Variants in ANK3 observed in about 807,000 individuals in gnomAD.
ANK3 encodes ankyrin-3.
In ANK3, 57 loss-of-function variants were observed where a neutral mutation model predicts 370.9. That is an observed-to-expected ratio of 0.15 (90% confidence interval 0.12 to 0.19). ANK3 has a LOEUF of 0.19. Ranked by LOEUF, ANK3 falls within the 10% of genes least tolerant of loss-of-function variation. The pLI is 1.00. For synonymous variants in ANK3, 1,929 were observed against 1,946.3 expected, an observed-to-expected ratio of 0.99 and a Z score of 0.23; for missense variants, 4,439 against 5,302.1, an observed-to-expected ratio of 0.84 and a Z score of 5.06.
At chr10:60,390,729 A>AAAACACACAC (rs1491146788), upstream of ANK3, among the ~76,000 whole-genome samples, 845 of 107,050 alleles carry the variant, frequency 7.9e-3, 7 homozygotes, top group African/African-American at 0.028. Flanking sequence ...TAAAAAAAAG[A>AAAACACACAC]ACACACACAC....
chr10:60,323,897 T>C lies in ANK3; in HGVS notation c.115-44258A>G, dbSNP rs184675320. Among the ~76,000 whole-genome samples the C allele has an allele frequency of 2.8e-4, 43 of 152,266 alleles. No homozygotes were observed. The East Asian group carries it at 7.5e-3, about 27-fold the overall frequency. On this transcript the variant is annotated intron_variant, in intron 1 of 43. Transcript: ENST00000280772. Reference sequence around the variant, plus strand: ...AGTCAGACCAGAGCTGAGAACTGATTGAAGCATTTTGTGGTAGAGAGGCCA... The same window carrying C: ...AGTCAGACCAGAGCTGAGAACTGATCGAAGCATTTTGTGGTAGAGAGGCCA...
At chr10:60,313,606 G>A (rs969798699) in intron 1 of ANK3, among the ~76,000 whole-genome samples, 1 of 152,058 alleles carries the variant, frequency 6.6e-6, no homozygotes, top group African/African-American at 2.4e-5. Context: ...GTCTTTTCCT[G>A]AACTTGGCTC....
At chr10:60,351,219 A>C (rs1353733354) in intron 1 of ANK3, among the ~76,000 whole-genome samples, 1 of 152,190 alleles carries the variant, frequency 6.6e-6, no homozygotes, top group Non-Finnish European at 1.5e-5. Context: ...ATAGGACCAC[A>C]AGCATTTAAA....
intron 23 of ANK3, among the ~76,000 whole-genome samples, chr10:60,141,679 C>A (rs1270123823): frequency 7.3e-6 from 1 of 136,140 alleles, no homozygotes; most frequent in African/African-American, 2.8e-5. Flanking sequence ...AGTAAGCAGT[C>A]TTTTATAAGA....
chr10:60,428,834 C>T (rs1301173688), intron 2 of ANK3, among the ~76,000 whole-genome samples: 1 of 152,130 alleles, frequency 6.6e-6, no homozygotes, highest in Non-Finnish European at 1.5e-5. Flanking sequence ...GAAATGCTGG[C>T]AGAAAGGTTT....
chr10:60,644,838 T>TAAAAAAAAAAAAAAAAAAAAAAAA lies in ANK3; in HGVS notation c.58-29615_58-29614insTTTTTTTTTTTTTTTTTTTTTTTT, dbSNP rs146950954. ...AACTATCCAAGGAAGTTAATTTAGT[T>TAAAAAAAAAAAAAAAAAAAAAAAA]AAAAGAAAAAAAAAGCTGAGATTCA... On this transcript the variant is annotated intron_variant, in intron 1 of 43. Coordinates refer to the ANK3 transcript ENST00000373827. Among the ~76,000 whole-genome samples, 2 of 108,314 alleles carry TAAAAAAAAAAAAAAAAAAAAAAAA rather than the reference T, an allele frequency of 1.8e-5. 1 individual carries two copies. Among genetic ancestry groups the TAAAAAAAAAAAAAAAAAAAAAAAA allele is most frequent in the Non-Finnish European group, 3.7e-5 (2 of 54,292 alleles). The allele number at this position is 108,314 out of a possible 152,430, so 71.1% of individuals were successfully genotyped here. A position where few individuals can be genotyped will look rare whatever the true frequency, so the allele number is the denominator to read the frequency against.
intron 1 of ANK3, among the ~76,000 whole-genome samples, chr10:60,680,079 G>A (rs2079174442): frequency 6.7e-6 from 1 of 149,256 alleles, no homozygotes; most frequent in African/African-American, 2.5e-5. Context: ...AGGCTTCAGT[G>A]AGCCTAGAGC....
chr10:60,411,687 G>T (rs10994331), intron 2 of ANK3, among the ~76,000 whole-genome samples: 54,781 of 151,950 alleles, frequency 0.36, 10,751 homozygotes, highest in Middle Eastern at 0.48. Flanking sequence ...GGACCAGACT[G>T]CCTGGATATG....
intron 1 of ANK3, among the ~76,000 whole-genome samples, chr10:60,698,500 C>T (rs1008221571): frequency 1.3e-5 from 2 of 149,932 alleles, no homozygotes; most frequent in East Asian, 3.9e-4. Context: ...TTGGAACCAA[C>T]CCAAATGTCC....
chr10:60,494,413 AC>A (rs1370845639), intron 2 of ANK3, among the ~76,000 whole-genome samples: 2 of 152,154 alleles, frequency 1.3e-5, no homozygotes, highest in African/African-American at 4.8e-5. Context: ...TTATATAAAA[AC>A]ATTATTTATG....
At chr10:60,300,381 T>C (rs758169005) in intron 1 of ANK3, 8 of 1,289,702 alleles carry the variant, frequency 6.2e-6, no homozygotes, top group Admixed American at 4.6e-5. Flanking sequence ...AGAAACCTGA[T>C]AACTCAATTA....
At chr10:60,604,683 A>C (rs894918243) in intron 2 of ANK3, among the ~76,000 whole-genome samples, 3 of 152,168 alleles carry the variant, frequency 2.0e-5, no homozygotes, top group Non-Finnish European at 2.9e-5. Flanking sequence ...AAAAAGGAAA[A>C]TAGAATAATG....
At chr10:60,599,227 A>C (rs1480022758) in intron 2 of ANK3, among the ~76,000 whole-genome samples, 1 of 152,142 alleles carries the variant, frequency 6.6e-6, no homozygotes, top group East Asian at 1.9e-4. Context: ...CACTGAGCCC[A>C]GCCTGTGTTT....
At chr10:60,202,963 A>C in intron 12 of ANK3, 39 bp downstream of exon 12, 1 of 1,433,126 alleles carries the variant, frequency 7.0e-7, no homozygotes, top group Non-Finnish European at 9.6e-7. Flanking sequence ...AGTTTATTAA[A>C]TACTCACAAT....
intron 1 of ANK3, among the ~76,000 whole-genome samples, chr10:60,701,357 G>T (rs908722084): frequency 7.2e-5 from 11 of 152,092 alleles, no homozygotes; most frequent in African/African-American, 1.9e-4. Flanking sequence ...ATACTCATTT[G>T]CCCTTTGGCT....
At chr10:60,519,108 G>A (rs1425689101) in intron 2 of ANK3, among the ~76,000 whole-genome samples, 1 of 152,142 alleles carries the variant, frequency 6.6e-6, no homozygotes, top group African/African-American at 2.4e-5. Context: ...CTAAAAAGTA[G>A]GAAGAATAAA....
At chr10:60,033,041 T>G (rs1314878285) in intron 43 of ANK3, among the ~76,000 whole-genome samples, 37 of 152,186 alleles carry the variant, frequency 2.4e-4, no homozygotes, top group Admixed American at 2.4e-3. Context: ...TCATCTCCCT[T>G]TTCTGGTTTA....
At chr10:60,273,881 G>C (rs1446172474) in intron 4 of ANK3, among the ~76,000 whole-genome samples, 1 of 152,182 alleles carries the variant, frequency 6.6e-6, no homozygotes, top group South Asian at 2.1e-4. Context: ...CTTCCACCAT[G>C]ATTGTGAGGC....
intron 2 of ANK3, among the ~76,000 whole-genome samples, chr10:60,569,336 C>T (rs1367228497): frequency 2.0e-5 from 3 of 152,268 alleles, no homozygotes; most frequent in South Asian, 2.1e-4. Flanking sequence ...TTCCTAGTAT[C>T]CCCAGTAGCT....
Sources: allele counts gnomAD v4.1 joint callset (sites outside exome capture counted in the v4.1 genomes callset), GRCh38; gene constraint gnomAD v4.1.1; transcripts MANE v1.5; gene names NCBI Gene and HGNC (gene_info 2026-07-23, HGNC 2026-07-21).